CNTN5: variants seen among roughly 807,000 people sequenced by gnomAD.
The protein encoded by CNTN5 is contactin-5.
Under a neutral mutation model 129.1 loss-of-function variants are expected in CNTN5, and 77 were observed. That is an observed-to-expected ratio of 0.60 (90% confidence interval 0.50 to 0.72). The LOEUF is 0.72. Among genes scored for constraint, CNTN5 ranks in the 30% least tolerant of loss-of-function variants. The pLI is 0.00. For synonymous variants in CNTN5, 509 were observed against 465.6 expected (o/e 1.09, Z -1.20); for missense variants, 1,478 against 1,328.8 (o/e 1.11, Z -1.75).
chr11:100,115,441 A>C (rs2138137715), intron 13 of CNTN5, among the ~76,000 whole-genome samples: 1 of 152,256 alleles, frequency 6.6e-6, no homozygotes, highest in African/African-American at 2.4e-5. Context: ...TAATAACAAA[A>C]AACAATTCAA....
intron 2 of CNTN5, among the ~76,000 whole-genome samples, chr11:99,476,255 T>C (rs1945368375): frequency 6.6e-6 from 1 of 152,104 alleles, no homozygotes; most frequent in South Asian, 2.1e-4. Flanking sequence ...ATATATGTGT[T>C]TATCAATCTA....
At chr11:99,615,211 T>C (rs1039987501) in intron 3 of CNTN5, among the ~76,000 whole-genome samples, 2 of 151,878 alleles carry the variant, frequency 1.3e-5, no homozygotes, top group Admixed American at 6.6e-5. Context: ...CTACTACTTA[T>C]ATTTGTTCTT....
chr11:100,282,507 C>T (rs1449238520), intron 18 of CNTN5, among the ~76,000 whole-genome samples: 1 of 152,218 alleles, frequency 6.6e-6, no homozygotes, highest in Non-Finnish European at 1.5e-5. Flanking sequence ...GTGGCCACCA[C>T]CACTGGAACT....
chr11:99,707,296 T>C (rs611346), intron 3 of CNTN5, among the ~76,000 whole-genome samples: 4 of 151,350 alleles, frequency 2.6e-5, no homozygotes, highest in African/African-American at 9.7e-5. Flanking sequence ...AGTGTTCAAG[T>C]TTCATTACAA....
intron 7 of CNTN5, among the ~76,000 whole-genome samples, chr11:99,945,196 A>G (rs1950526927): frequency 6.6e-6 from 1 of 152,110 alleles, no homozygotes; most frequent in Admixed American, 6.6e-5. Context: ...TGTGACCTGT[A>G]TAAAGAGTAA....
chr11:99,355,632 T>A (rs969234752), intron 2 of CNTN5, among the ~76,000 whole-genome samples: 1 of 152,138 alleles, frequency 6.6e-6, no homozygotes, highest in African/African-American at 2.4e-5. Flanking sequence ...ATGCTTGTGA[T>A]AAACATTACC....
At chr11:99,480,214 A>G (rs749709357) in intron 2 of CNTN5, among the ~76,000 whole-genome samples, 3 of 152,186 alleles carry the variant, frequency 2.0e-5, no homozygotes, top group Non-Finnish European at 4.4e-5. Flanking sequence ...AACAAATTAA[A>G]TACTTGTTCT....
chr11:99,345,878 A>G (rs1937819304), intron 2 of CNTN5, among the ~76,000 whole-genome samples: 1 of 152,216 alleles, frequency 6.6e-6, no homozygotes, highest in Non-Finnish European at 1.5e-5. Flanking sequence ...CAAAGGTAAG[A>G]GTAAGTAGAA....
At chr11:99,256,530 C>G (rs1862385323) in intron 1 of CNTN5, among the ~76,000 whole-genome samples, 1 of 151,726 alleles carries the variant, frequency 6.6e-6, no homozygotes, top group Non-Finnish European at 1.5e-5. Flanking sequence ...TTTCATAAGG[C>G]TTGGTGGTGA....
intron 1 of CNTN5, among the ~76,000 whole-genome samples, chr11:99,304,624 C>T (rs1864789410): frequency 6.6e-6 from 1 of 152,198 alleles, no homozygotes; most frequent in African/African-American, 2.4e-5. Context: ...CTCACACTCA[C>T]TACCTTGGGT....
chr11:99,560,036 C>T (rs376192624), intron 3 of CNTN5, among the ~76,000 whole-genome samples: 1 of 151,852 alleles, frequency 6.6e-6, no homozygotes, highest in African/African-American at 2.4e-5. Context: ...TCAGTGATTG[C>T]CAGGGTCAGG....
intron 8 of CNTN5, among the ~76,000 whole-genome samples, chr11:99,983,328 T>G (rs1180715741): frequency 6.6e-6 from 1 of 152,162 alleles, no homozygotes; most frequent in Non-Finnish European, 1.5e-5. Flanking sequence ...GGTTAGTTTA[T>G]GGAGTGGAGA....
chr11:100,236,694 C>A (rs1949620911), intron 16 of CNTN5, among the ~76,000 whole-genome samples: 1 of 152,076 alleles, frequency 6.6e-6, no homozygotes, highest in South Asian at 2.1e-4. Context: ...GCTGCCTTTC[C>A]TCTGATTGCC....
At chr11:99,158,472 T>C (rs767741205) in intron 1 of CNTN5, among the ~76,000 whole-genome samples, 7 of 152,236 alleles carry the variant, frequency 4.6e-5, no homozygotes, top group Admixed American at 1.3e-4. Flanking sequence ...CTTTAGAAAA[T>C]GCCTTTGAGA....
intron 13 of CNTN5, among the ~76,000 whole-genome samples, chr11:100,098,138 C>T (rs991788399): frequency 6.6e-6 from 1 of 151,960 alleles, no homozygotes; most frequent in African/African-American, 2.4e-5. Flanking sequence ...TATGGAGAGA[C>T]TACTACAGGA....
intron 3 of CNTN5, among the ~76,000 whole-genome samples, chr11:99,583,045 C>G (rs1003266691): frequency 1.3e-5 from 2 of 152,224 alleles, no homozygotes; most frequent in Non-Finnish European, 2.9e-5. Context: ...TTCTAACAGT[C>G]AGGACTCTCA....
intron 9 of CNTN5, among the ~76,000 whole-genome samples, chr11:100,025,068 C>T (rs751113189): frequency 6.6e-6 from 1 of 152,198 alleles, no homozygotes; most frequent in Non-Finnish European, 1.5e-5. Flanking sequence ...CAGAGGTCTT[C>T]ACTGCAACCC....
chr11:99,727,230 CG>C (rs1174072866), intron 3 of CNTN5, among the ~76,000 whole-genome samples: 1 of 140,026 alleles, frequency 7.1e-6, no homozygotes, highest in Non-Finnish European at 1.5e-5. Flanking sequence ...GGCGTGAACC[CG>C]GGAAGCGGAG....
chr11:100,069,481 T>C (rs1215295776), intron 10 of CNTN5, among the ~76,000 whole-genome samples: 1 of 152,130 alleles, frequency 6.6e-6, no homozygotes, highest in Non-Finnish European at 1.5e-5. Context: ...ATACATCTTT[T>C]TTCACATGCT....
Sources: allele counts gnomAD v4.1 joint callset (sites outside exome capture counted in the v4.1 genomes callset), GRCh38; gene constraint gnomAD v4.1.1; transcripts MANE v1.5; gene names NCBI Gene and HGNC (gene_info 2026-07-23, HGNC 2026-07-21).